STK3: variants seen among roughly 807,000 people sequenced by gnomAD.
STK3 encodes the protein serine/threonine kinase 3, also known as serine/threonine-protein kinase 3.
Under a neutral mutation model 58.0 loss-of-function variants are expected in STK3, and 41 were observed. The observed-to-expected ratio is 0.71, with a 90% CI of 0.55 to 0.92. STK3 has a LOEUF of 0.92. STK3 is among the 40% of genes least tolerant of loss of function. The pLI, the probability that STK3 is intolerant of heterozygous loss-of-function variation, is 0.00. For missense variants in STK3, 479 were observed against 602.7 expected (o/e 0.79, Z 2.15); for synonymous variants, 170 against 191.0 (o/e 0.89, Z 0.91).
At chr8:98,451,098 G>T (rs1419304471), downstream of STK3, among the ~76,000 whole-genome samples, 1 of 152,128 alleles carries the variant, frequency 6.6e-6, no homozygotes, top group Non-Finnish European at 1.5e-5. Context: ...AAATGCATGG[G>T]TTAGTAGATG....
rs369600095 is a variant in STK3, at chr8:98,588,016, C to G, written c.822+8016G>C. ...TCTCTGCACGTGAGATGGGTTTCCT[C>G]AATACAGCACACTGATGGGTCTTGA... On this transcript the variant is annotated intron_variant, in intron 7 of 10. Transcript: ENST00000419617. Among the ~76,000 whole-genome samples, 176 of 152,258 alleles carry G rather than the reference C, an allele frequency of 1.2e-3. 1 individual carries two copies. The Middle Eastern group carries it at 0.014, about 12-fold the overall frequency.
At chr8:98,587,639 T>G (rs1298930206) in intron 7 of STK3, among the ~76,000 whole-genome samples, 2 of 152,070 alleles carry the variant, frequency 1.3e-5, no homozygotes, top group Non-Finnish European at 2.9e-5. Flanking sequence ...CTGAGTTCAA[T>G]TCCTGGGTAT....
intron 6 of STK3, among the ~76,000 whole-genome samples, chr8:98,654,790 C>A (rs1214871787): frequency 1.3e-5 from 2 of 152,008 alleles, no homozygotes. Flanking sequence ...ACGTGAAGGA[C>A]CTCTTCAAGG....
chr8:98,937,480 A>C (rs1401443070), intron 1 of STK3, among the ~76,000 whole-genome samples: 1 of 152,244 alleles, frequency 6.6e-6, no homozygotes, highest in African/African-American at 2.4e-5. Flanking sequence ...GAATTCAATA[A>C]ATGTTTTAAA....
At chr8:98,858,897 TAAA>T (rs762055696) in intron 3 of STK3, among the ~76,000 whole-genome samples, 4 of 80,506 alleles carry the variant, frequency 5.0e-5, no homozygotes, top group Admixed American at 1.4e-4. Context: ...AGACTCCATC[TAAA>T]AAAAAAAAAA....
At chr8:98,503,976 G>T (rs1045524192) in intron 10 of STK3, among the ~76,000 whole-genome samples, 3 of 152,014 alleles carry the variant, frequency 2.0e-5, no homozygotes, top group Non-Finnish European at 4.4e-5. Flanking sequence ...ATCTAATATT[G>T]ACAGTGGGGT....
At chr8:98,352,698 A>T in the STK3 span, among the ~76,000 whole-genome samples, 1 of 152,228 alleles carries the variant, frequency 6.6e-6, no homozygotes, top group Non-Finnish European at 1.5e-5. Context: ...GTCATCCAGC[A>T]GAATGTTTTC....
At chr8:98,721,171 A>T in intron 4 of STK3, 1 of 924,008 alleles carries the variant, frequency 1.1e-6, no homozygotes, top group Non-Finnish European at 1.3e-6. Flanking sequence ...CTGCTAAAAC[A>T]AATATATAAA....
intron 3 of STK3, among the ~76,000 whole-genome samples, chr8:98,857,943 C>T (rs1836740185): frequency 6.6e-6 from 1 of 151,886 alleles, no homozygotes; most frequent in African/African-American, 2.4e-5. Flanking sequence ...AAAAGAAAAG[C>T]CTGTGTGAAA....
chr8:98,673,327 C>A (rs1822961558), intron 6 of STK3, among the ~76,000 whole-genome samples: 1 of 152,122 alleles, frequency 6.6e-6, no homozygotes, highest in Non-Finnish European at 1.5e-5. Flanking sequence ...CTCTCTATAC[C>A]TTACTTTGAT....
intron 7 of STK3, among the ~76,000 whole-genome samples, chr8:98,587,573 T>C (rs1814762306): frequency 6.6e-6 from 1 of 152,160 alleles, no homozygotes; most frequent in Non-Finnish European, 1.5e-5. Context: ...ATGTATATTC[T>C]GTTGATTTGG....
intron 6 of STK3, chr8:98,651,318 C>T (rs1733314625): frequency 6.6e-6 from 1 of 152,264 alleles, no homozygotes; most frequent in African/African-American, 2.4e-5. Flanking sequence ...ACAGAAAGGA[C>T]ATCCACACCA....
At chr8:98,846,837 CCTAAA>C (rs1055499395) in intron 3 of STK3, among the ~76,000 whole-genome samples, 4 of 150,794 alleles carry the variant, frequency 2.7e-5, no homozygotes, top group Admixed American at 6.6e-5. Context: ...CCGTTTCATT[CCTAAA>C]CTATTCAGGA....
chr8:98,874,793 C>CTT, intron 3 of STK3, among the ~76,000 whole-genome samples: 1 of 143,614 alleles, frequency 7.0e-6, no homozygotes, highest in South Asian at 2.2e-4. Context: ...CATCCTGCTA[C>CTT]TTTTTTTTTT....
chr8:98,686,302 C>T (rs1218385511), intron 6 of STK3, among the ~76,000 whole-genome samples: 1 of 152,028 alleles, frequency 6.6e-6, no homozygotes, highest in Non-Finnish European at 1.5e-5. Flanking sequence ...ACAAAACAAC[C>T]AATTTGGGAG....
chr8:98,441,910 T>C (rs759204991), intron 1 of STK3, among the ~76,000 whole-genome samples: 1 of 152,208 alleles, frequency 6.6e-6, no homozygotes, highest in Non-Finnish European at 1.5e-5. Flanking sequence ...CCCTCTCTCA[T>C]TCAGCTCCAG....
downstream of STK3, among the ~76,000 whole-genome samples, chr8:98,367,053 T>G (rs1817572069): frequency 6.6e-6 from 1 of 152,212 alleles, no homozygotes; most frequent in Non-Finnish European, 1.5e-5. Flanking sequence ...GTCTCCAAAG[T>G]GTTGGTGGCT....
intron 1 of STK3, among the ~76,000 whole-genome samples, chr8:98,382,805 T>C (rs954098890): frequency 2.6e-5 from 4 of 152,194 alleles, no homozygotes; most frequent in Non-Finnish European, 4.4e-5. Flanking sequence ...TGGGCCCAAC[T>C]GATACGGCCG....
intron 6 of STK3, among the ~76,000 whole-genome samples, chr8:98,646,853 C>T (rs922055092): frequency 3.9e-5 from 6 of 152,170 alleles, no homozygotes; most frequent in South Asian, 2.1e-4. Context: ...ACACATGCCA[C>T]GATCATCTCT....
Sources: allele counts gnomAD v4.1 joint callset (sites outside exome capture counted in the v4.1 genomes callset), GRCh38; gene constraint gnomAD v4.1.1; transcripts MANE v1.5; gene names NCBI Gene and HGNC (gene_info 2026-07-23, HGNC 2026-07-21).